Variants in GRM8 observed in about 807,000 individuals in gnomAD.
The protein encoded by GRM8 is glutamate metabotropic receptor 8, also known as metabotropic glutamate receptor 8.
GRM8 carries 47 observed loss-of-function variants against 87.2 expected under a neutral mutation model. That is an observed-to-expected ratio of 0.54 (90% CI 0.43 to 0.69). The LOEUF (loss-of-function observed/expected upper bound fraction) is 0.69. Ranked by LOEUF, GRM8 falls within the 30% of genes least tolerant of loss-of-function variation. The pLI is 0.00. For missense variants in GRM8, 1,019 were observed against 1,139.2 expected (o/e 0.89, Z 1.52); for synonymous variants, 396 against 404.5 (o/e 0.98, Z 0.25).
At chr7:126,636,902 A>G (rs1350297922) in intron 7 of GRM8, among the ~76,000 whole-genome samples, 2 of 152,044 alleles carry the variant, frequency 1.3e-5, no homozygotes, top group African/African-American at 4.8e-5. Flanking sequence ...CATTTTATTT[A>G]ACTTTTGTTG....
At chr7:126,726,549 A>C (rs892722185) in intron 7 of GRM8, among the ~76,000 whole-genome samples, 4 of 152,018 alleles carry the variant, frequency 2.6e-5, no homozygotes, top group African/African-American at 9.7e-5. Context: ...CTTACTCCCC[A>C]TCCTGGCCCA....
At chr7:127,192,342 A>G (rs958521476) in intron 2 of GRM8, among the ~76,000 whole-genome samples, 11 of 152,316 alleles carry the variant, frequency 7.2e-5, no homozygotes, top group Admixed American at 6.5e-4. Flanking sequence ...GCAGTTTGTC[A>G]TTGTTGTTTA....
chr7:127,188,695 G>A (rs1794865659), intron 2 of GRM8, among the ~76,000 whole-genome samples: 1 of 152,128 alleles, frequency 6.6e-6, no homozygotes, highest in Non-Finnish European at 1.5e-5. Context: ...AGCCAAGCCT[G>A]GTATAGTGCT....
intron 6 of GRM8, among the ~76,000 whole-genome samples, chr7:126,824,758 T>C (rs878901716): frequency 6.6e-6 from 1 of 152,248 alleles, no homozygotes; most frequent in Non-Finnish European, 1.5e-5. Flanking sequence ...ATTTTAAAAA[T>C]TATTTTCTTC....
chr7:126,600,969 T>A (rs28715961), intron 8 of GRM8, among the ~76,000 whole-genome samples: 27,424 of 151,744 alleles, frequency 0.18, 2,544 homozygotes, highest in South Asian at 0.23. Context: ...TTAGGGTACA[T>A]GTGCACATTG....
At position 126,446,195 on chromosome 7, in the gene GRM8, T is replaced by A; in HGVS notation, c.2608A>T (p.Ile870Phe). ...VTAATMQSKL[I>F]QKGNDRPNGE... ...TTTGGTCTGTCATTTCCTTTTTGGATCAGTTTGCTTTGCATGGTGGCAGCT... is the reference window on the plus strand; with the variant it reads ...TTTGGTCTGTCATTTCCTTTTTGGAACAGTTTGCTTTGCATGGTGGCAGCT... Residue 870 changes from isoleucine (I) to phenylalanine (F), a missense_variant, in exon 10 of 11, where the codon ATC (isoleucine) becomes TTC (phenylalanine). Physicochemically the swap from Ile to Phe is conservative, Grantham distance 21 (BLOSUM62 0). Transcript: ENST00000339582. 6.2e-7 allele frequency: 1 copy of A among 1,613,116 alleles called. No individual in the cohort carries two copies. The highest frequency in any genetic ancestry group is 8.5e-7 in the Non-Finnish European group (1 of 1,179,370).
At chr7:127,075,544 G>C (rs1207123536) in intron 3 of GRM8, among the ~76,000 whole-genome samples, 1 of 152,156 alleles carries the variant, frequency 6.6e-6, no homozygotes, top group Non-Finnish European at 1.5e-5. Flanking sequence ...TCTAACAACA[G>C]AGAAATCAGG....
intron 2 of GRM8, among the ~76,000 whole-genome samples, chr7:127,183,407 GA>G (rs1184321311): frequency 6.6e-6 from 1 of 151,498 alleles, no homozygotes; most frequent in East Asian, 1.9e-4. Flanking sequence ...CTGGAAAATA[GA>G]AAAAAATGAA....
chr7:126,592,971 C>A (rs560848310), intron 8 of GRM8, among the ~76,000 whole-genome samples: 1 of 151,918 alleles, frequency 6.6e-6, no homozygotes, highest in Non-Finnish European at 1.5e-5. Flanking sequence ...ATACAAAAAT[C>A]AGAGAACAAT....
At chr7:126,940,031 C>G (rs948983488) in intron 3 of GRM8, among the ~76,000 whole-genome samples, 2 of 152,076 alleles carry the variant, frequency 1.3e-5, no homozygotes, top group African/African-American at 2.4e-5. Context: ...AATCATTTTA[C>G]CAAACATCCA....
chr7:127,149,360 T>C (rs990725218), intron 2 of GRM8, among the ~76,000 whole-genome samples: 2 of 152,038 alleles, frequency 1.3e-5, no homozygotes, highest in African/African-American at 2.4e-5. Context: ...AAAACCACCA[T>C]GATATACCAC....
chr7:126,649,230 C>T (rs1179990862), intron 7 of GRM8, among the ~76,000 whole-genome samples: 1 of 152,046 alleles, frequency 6.6e-6, no homozygotes, highest in Admixed American at 6.6e-5. Flanking sequence ...AGGGTGTTGC[C>T]AAAGGAGATT....
intron 3 of GRM8, among the ~76,000 whole-genome samples, chr7:127,044,802 C>T (rs1330813627): frequency 6.6e-6 from 1 of 152,210 alleles, no homozygotes; most frequent in Admixed American, 6.5e-5. Context: ...CAGGCAACAA[C>T]ATGCTAAGTG....
In GRM8 at chr7:126,712,464, G is replaced by A. The variant is rs374973525; in HGVS notation, c.1357+57401C>T. ...CAGAGATACAAAGTAAACACATGATGTTGGAAAAACAGCACCCACCGACTT... is the reference window on the plus strand; with the variant it reads ...CAGAGATACAAAGTAAACACATGATATTGGAAAAACAGCACCCACCGACTT... On this transcript the variant is annotated intron_variant, in intron 7 of 10. Coordinates refer to ENST00000339582, the MANE Select transcript of GRM8 (RefSeq NM_000845.3). Among the ~76,000 whole-genome samples the A allele has an allele frequency of 1.1e-4, 16 of 152,212 alleles. 1 individual carries two copies. In the East Asian group the frequency reaches 1.9e-3, roughly 18 times the overall value.
At chr7:126,798,541 A>G (rs1052926120) in intron 6 of GRM8, among the ~76,000 whole-genome samples, 3 of 152,174 alleles carry the variant, frequency 2.0e-5, no homozygotes, top group Admixed American at 6.5e-5. Flanking sequence ...TGGGCCAGTG[A>G]GAGCATCCTG....
At chr7:126,934,663 G>A (rs906448744) in intron 3 of GRM8, among the ~76,000 whole-genome samples, 2 of 152,140 alleles carry the variant, frequency 1.3e-5, no homozygotes, top group Admixed American at 1.3e-4. Context: ...GGTAGGACTG[G>A]ATCTAAAGGA....
chr7:126,947,219 A>G (rs570413391), intron 3 of GRM8, among the ~76,000 whole-genome samples: 72 of 152,370 alleles, frequency 4.7e-4, no homozygotes, highest in Non-Finnish European at 8.7e-4. Flanking sequence ...TGCATTTGGC[A>G]GGAAAGTCCA....
chr7:126,955,430 T>A (rs751563707), intron 3 of GRM8, among the ~76,000 whole-genome samples: 2 of 152,038 alleles, frequency 1.3e-5, no homozygotes, highest in Non-Finnish European at 2.9e-5. Context: ...TGAATCGCTA[T>A]CAACTCATTC....
At chr7:126,872,790 C>A (rs945632281) in intron 6 of GRM8, among the ~76,000 whole-genome samples, 1 of 152,088 alleles carries the variant, frequency 6.6e-6, no homozygotes, top group African/African-American at 2.4e-5. Context: ...TCTTGGTCCA[C>A]CTCCGGGCAG....
Sources: gnomAD v4.1 joint callset for allele counts (sites outside exome capture counted in the v4.1 genomes callset) on GRCh38, gnomAD v4.1.1 for gene constraint, MANE v1.5 for transcripts, NCBI Gene and HGNC (gene_info 2026-07-23, HGNC 2026-07-21) for gene names.